The following PDE10A variants were observed in gnomAD, a reference collection of about 807,000 sequenced individuals.
PDE10A encodes the protein cAMP and cAMP-inhibited cGMP 3',5'-cyclic phosphodiesterase 10A.
Under a neutral mutation model 97.7 loss-of-function variants are expected in PDE10A, and 39 were observed. The ratio of observed to expected loss-of-function variants is 0.40; its 90% CI spans 0.31 to 0.52. The LOEUF (loss-of-function observed/expected upper bound fraction) is 0.52. Ranked by LOEUF, PDE10A falls within the 20% of genes least tolerant of loss-of-function variation. The pLI, the probability that PDE10A is intolerant of heterozygous loss-of-function variation, is 0.56. For synonymous variants in PDE10A, 371 were observed against 376.8 expected (o/e 0.98, Z 0.18); for missense variants, 731 against 1,047.8 (o/e 0.70, Z 4.17).
chr6:165,630,747 G>A (rs971559646), intron 1 of PDE10A, among the ~76,000 whole-genome samples: 1 of 152,068 alleles, frequency 6.6e-6, no homozygotes, highest in Non-Finnish European at 1.5e-5. Flanking sequence ...ATAAATGGGG[G>A]AAAAGTGAAG....
chr6:165,469,240 C>T (rs1778845864), intron 3 of PDE10A, among the ~76,000 whole-genome samples: 1 of 152,238 alleles, frequency 6.6e-6, no homozygotes, highest in South Asian at 2.1e-4. Flanking sequence ...TGGGTTTTGC[C>T]TTAAGTACAA....
At chr6:165,532,757 C>T (rs1160141487) in intron 2 of PDE10A, among the ~76,000 whole-genome samples, 3 of 152,158 alleles carry the variant, frequency 2.0e-5, no homozygotes, top group African/African-American at 4.8e-5. Flanking sequence ...CTAGTATCAG[C>T]GGCCTAGTTC....
intron 1 of PDE10A, among the ~76,000 whole-genome samples, chr6:165,958,703 A>AGAG (rs1784254617): frequency 7.0e-6 from 1 of 142,394 alleles, no homozygotes; most frequent in Admixed American, 7.0e-5. Context: ...AGAGAAAGAA[A>AGAG]GAAAGAAAGA....
In PDE10A at chr6:165,702,872, G is replaced by A. The variant is rs921050911; in HGVS notation, c.-614-159304C>T. Among the ~76,000 whole-genome samples, 60 of 152,268 alleles carry A rather than the reference G, an allele frequency of 3.9e-4. No individual in the cohort carries two copies. In the South Asian group the frequency reaches 9.6e-3, roughly 24 times the overall value. ...TGAGGCTCTGACGTTCCTAACACATGAGATGACTCTGGAAGCCAGGACCTG... is the reference window on the plus strand; with the variant it reads ...TGAGGCTCTGACGTTCCTAACACATAAGATGACTCTGGAAGCCAGGACCTG... On this transcript the variant is annotated intron_variant, in intron 1 of 19. Transcript: ENST00000366882.
rs1015569279 is a variant in PDE10A, at chr6:165,335,142, T to C, written c.3065+981A>G. Among the ~76,000 whole-genome samples the C allele has an allele frequency of 1.1e-4, 17 of 152,222 alleles. 1 individual carries two copies. The highest frequency in any genetic ancestry group is 6.5e-4 in the Admixed American group (10 of 15,290). On this transcript the variant is annotated intron_variant, in intron 21 of 21. Transcript: ENST00000539869. Reference sequence around the variant, plus strand: ...AGTAAAATGAAAATCTTTAAAAATATCCAAGGTTCTTAACCGAGTTCACTC... The same window carrying C: ...AGTAAAATGAAAATCTTTAAAAATACCCAAGGTTCTTAACCGAGTTCACTC...
At chr6:165,509,586 A>ATT (rs200474367) in intron 2 of PDE10A, among the ~76,000 whole-genome samples, 44 of 147,138 alleles carry the variant, frequency 3.0e-4, no homozygotes, top group South Asian at 8.6e-4. Context: ...AAATTTCAGG[A>ATT]TTTTTTTTTT....
At position 165,683,086 on chromosome 6, in the gene PDE10A, C is replaced by T. The variant is rs1003461303; in HGVS notation, c.-614-139518G>A. ...TCAGCACAGCTCCTAGCACATGGTGCGTACTCACAAAATTATTTGTTGAAT... is the reference window on the plus strand; with the variant it reads ...TCAGCACAGCTCCTAGCACATGGTGTGTACTCACAAAATTATTTGTTGAAT... On this transcript the variant is annotated intron_variant, in intron 1 of 19. Transcript: ENST00000366882. Among the ~76,000 whole-genome samples the T allele has an allele frequency of 6.6e-5, 10 of 152,290 alleles. 1 individual carries two copies. The highest frequency in any genetic ancestry group is 1.2e-4 in the Non-Finnish European group (8 of 68,032).
chr6:165,676,284 T>C (rs1456352482), intron 1 of PDE10A, among the ~76,000 whole-genome samples: 1 of 152,164 alleles, frequency 6.6e-6, no homozygotes, highest in Non-Finnish European at 1.5e-5. Flanking sequence ...GGGTACAATA[T>C]ACACGATTTG....
At chr6:165,429,168 T>C (rs745669271) in intron 9 of PDE10A, among the ~76,000 whole-genome samples, 6 of 152,096 alleles carry the variant, frequency 3.9e-5, no homozygotes, top group Non-Finnish European at 7.4e-5. Context: ...GAGAAAGTAA[T>C]GTAATTAATT....
At chr6:165,953,255 AC>A (rs1784023851) in intron 1 of PDE10A, among the ~76,000 whole-genome samples, 1 of 152,196 alleles carries the variant, frequency 6.6e-6, no homozygotes, top group Admixed American at 6.5e-5. Flanking sequence ...AATATTTATT[AC>A]CAAAAGAAAT....
At chr6:165,722,369 A>C (rs1250473432) in intron 1 of PDE10A, among the ~76,000 whole-genome samples, 1 of 152,244 alleles carries the variant, frequency 6.6e-6, no homozygotes, top group South Asian at 2.1e-4. Flanking sequence ...CCAGGTAAGA[A>C]AAGATACAGT....
chr6:165,533,525 G>A (rs562484504), intron 2 of PDE10A, among the ~76,000 whole-genome samples: 21 of 152,102 alleles, frequency 1.4e-4, no homozygotes, highest in African/African-American at 3.9e-4. Context: ...ACCTTCCTTC[G>A]TAGAGGTGGA....
intron 1 of PDE10A, among the ~76,000 whole-genome samples, chr6:165,907,663 C>A (rs909001482): frequency 6.6e-6 from 1 of 152,174 alleles, no homozygotes; most frequent in Non-Finnish European, 1.5e-5. Flanking sequence ...TGAAATCCAG[C>A]AAGAAGGAGG....
At chr6:165,926,838 A>G (rs1476999869) in intron 1 of PDE10A, among the ~76,000 whole-genome samples, 1 of 152,236 alleles carries the variant, frequency 6.6e-6, no homozygotes, top group African/African-American at 2.4e-5. Context: ...TTACATCAAA[A>G]AGGATTTCAT....
At chr6:165,883,086 A>AT (rs1335420150) in intron 1 of PDE10A, among the ~76,000 whole-genome samples, 1 of 152,118 alleles carries the variant, frequency 6.6e-6, no homozygotes, top group Non-Finnish European at 1.5e-5. Flanking sequence ...AAATACAAAA[A>AT]TTAGTCGGGT....
chr6:165,484,359 G>C (rs74594655), intron 2 of PDE10A, among the ~76,000 whole-genome samples: 1 of 152,206 alleles, frequency 6.6e-6, no homozygotes, highest in African/African-American at 2.4e-5. Flanking sequence ...GGCGGCAAGC[G>C]GGCGAAGCTT....
At chr6:165,497,020 C>T (rs753934580) in intron 2 of PDE10A, among the ~76,000 whole-genome samples, 4 of 152,008 alleles carry the variant, frequency 2.6e-5, no homozygotes, top group East Asian at 1.9e-4. Flanking sequence ...AATGACAACA[C>T]GTGAAATAAA....
chr6:165,570,319 C>A (rs1258841910), intron 1 of PDE10A, among the ~76,000 whole-genome samples: 1 of 152,150 alleles, frequency 6.6e-6, no homozygotes, highest in Admixed American at 6.5e-5. Context: ...GATCTGATAT[C>A]TAAAACAAGC....
chr6:165,753,632 C>T (rs936645734), intron 1 of PDE10A, among the ~76,000 whole-genome samples: 1 of 152,092 alleles, frequency 6.6e-6, no homozygotes, highest in African/African-American at 2.4e-5. Flanking sequence ...ACCACAGATG[C>T]TAACTTGCTT....
Sources: allele counts gnomAD v4.1 joint callset (sites outside exome capture counted in the v4.1 genomes callset), GRCh38; gene constraint gnomAD v4.1.1; transcripts MANE v1.5; gene names NCBI Gene and HGNC (gene_info 2026-07-23, HGNC 2026-07-21).